Variants in CLVS1 observed in about 807,000 individuals in gnomAD.
The protein encoded by CLVS1 is clavesin 1.
Under a neutral mutation model 33.1 loss-of-function variants are expected in CLVS1, and 10 were observed. That is an observed-to-expected ratio of 0.30 (90% CI 0.19 to 0.51). The LOEUF is 0.51. Among genes scored for constraint, CLVS1 ranks in the 20% least tolerant of loss-of-function variants. The probability of loss-of-function intolerance (pLI) is 0.97; values close to 1 mark genes in which losing one functional copy is unlikely to be tolerated. For missense variants in CLVS1, 343 were observed against 433.4 expected (o/e 0.79, Z 1.85); for synonymous variants, 163 against 166.1 (o/e 0.98, Z 0.14).
At chr8:61,345,408 A>G (rs112003922) in intron 2 of CLVS1, among the ~76,000 whole-genome samples, 2,431 of 152,270 alleles carry the variant, frequency 0.016, 17 homozygotes, top group African/African-American at 0.02. Context: ...GACAAGTGCA[A>G]TGTAGTAGGA....
At chr8:61,412,415 G>A (rs868817502) in intron 3 of CLVS1, among the ~76,000 whole-genome samples, 1 of 152,264 alleles carries the variant, frequency 6.6e-6, no homozygotes, top group Middle Eastern at 3.4e-3. Flanking sequence ...GACTTTGGGA[G>A]GAGGAGGATT....
At chr8:61,426,895 T>C (rs1815917185) in intron 3 of CLVS1, among the ~76,000 whole-genome samples, 1 of 152,166 alleles carries the variant, frequency 6.6e-6, no homozygotes, top group Non-Finnish European at 1.5e-5. Flanking sequence ...GTATTTGTCA[T>C]GTGAATAAAT....
chr8:61,125,338 G>T (rs939734616), intron 1 of CLVS1, among the ~76,000 whole-genome samples: 4 of 152,196 alleles, frequency 2.6e-5, no homozygotes, highest in African/African-American at 9.7e-5. Flanking sequence ...GGAAGGCTCT[G>T]TGGGAGAGCA....
intron 2 of CLVS1, among the ~76,000 whole-genome samples, chr8:61,257,692 A>C (rs940037056): frequency 3.3e-5 from 5 of 152,204 alleles, no homozygotes; most frequent in African/African-American, 1.2e-4. Flanking sequence ...AAGAGGAAGA[A>C]ACTGGCAAAA....
At chr8:61,210,947 C>G (rs2931331) in intron 2 of CLVS1, among the ~76,000 whole-genome samples, 45,607 of 151,170 alleles carry the variant, frequency 0.3, 7,200 homozygotes, top group African/African-American at 0.37. Flanking sequence ...AGGGAGACTT[C>G]CTACCAAAAA....
the CLVS1 span, among the ~76,000 whole-genome samples, chr8:60,990,988 G>A: frequency 6.6e-6 from 1 of 152,112 alleles, no homozygotes; most frequent in African/African-American, 2.4e-5. Flanking sequence ...TGAGATTACA[G>A]GCATGAGCCA....
At chr8:61,088,649 C>T (rs989155181) in intron 1 of CLVS1, among the ~76,000 whole-genome samples, 1 of 152,044 alleles carries the variant, frequency 6.6e-6, no homozygotes, top group African/African-American at 2.4e-5. Context: ...AGTGGGATTG[C>T]TGGGTTTAGA....
At chr8:61,008,795 A>G in the CLVS1 span, among the ~76,000 whole-genome samples, 5 of 152,204 alleles carry the variant, frequency 3.3e-5, no homozygotes, top group African/African-American at 9.7e-5. Flanking sequence ...AAGACTGGCT[A>G]TTTCCCCAAA....
chr8:61,302,111 G>A (rs1387980271), intron 2 of CLVS1, among the ~76,000 whole-genome samples: 2 of 152,072 alleles, frequency 1.3e-5, no homozygotes, highest in African/African-American at 4.8e-5. Context: ...ACAGTGTAGG[G>A]CAACTTGGTA....
At chr8:61,081,589 C>T (rs1805020514) in intron 1 of CLVS1, among the ~76,000 whole-genome samples, 1 of 152,130 alleles carries the variant, frequency 6.6e-6, no homozygotes, top group South Asian at 2.1e-4. Context: ...TAAATTGTAT[C>T]CTGGTCTCCA....
At chr8:61,086,237 A>G (rs1805125290) in intron 1 of CLVS1, among the ~76,000 whole-genome samples, 1 of 151,608 alleles carries the variant, frequency 6.6e-6, no homozygotes, top group African/African-American at 2.4e-5. Context: ...AAAAATAAAT[A>G]AATAAATAAA....
intron 2 of CLVS1, among the ~76,000 whole-genome samples, chr8:61,255,981 C>T (rs1386030173): frequency 6.6e-6 from 1 of 151,760 alleles, no homozygotes; most frequent in Non-Finnish European, 1.5e-5. Context: ...TAAGATTTAC[C>T]ATTGTAACCA....
chr8:61,036,896 A>G, the CLVS1 span, among the ~76,000 whole-genome samples: 11 of 152,324 alleles, frequency 7.2e-5, no homozygotes, highest in African/African-American at 2.2e-4. Context: ...TTCTCCAGCC[A>G]TCCATTCGAG....
intron 2 of CLVS1, among the ~76,000 whole-genome samples, chr8:61,260,067 T>G (rs1285133110): frequency 6.6e-6 from 1 of 152,210 alleles, no homozygotes; most frequent in Non-Finnish European, 1.5e-5. Flanking sequence ...GCTTTCAGTT[T>G]AAATGTCACC....
chr8:61,469,923 T>C (rs1359269740), intron 5 of CLVS1, among the ~76,000 whole-genome samples: 2 of 152,238 alleles, frequency 1.3e-5, no homozygotes, highest in Non-Finnish European at 2.9e-5. Flanking sequence ...AGTTTTGGCG[T>C]CTCACTGCTA....
chr8:60,995,144 A>G, the CLVS1 span, among the ~76,000 whole-genome samples: 1 of 152,272 alleles, frequency 6.6e-6, no homozygotes, highest in Non-Finnish European at 1.5e-5. Flanking sequence ...TGGCAACAAA[A>G]GACAAAATTG....
chr8:61,042,124 A>G, the CLVS1 span, among the ~76,000 whole-genome samples: 2 of 152,230 alleles, frequency 1.3e-5, 1 homozygote, highest in Non-Finnish European at 2.9e-5. Flanking sequence ...AATAACCTTA[A>G]GGAGGCAATT....
At chr8:61,153,662 A>G (rs770996727) in intron 2 of CLVS1, among the ~76,000 whole-genome samples, 4 of 152,138 alleles carry the variant, frequency 2.6e-5, no homozygotes, top group Admixed American at 6.5e-5. Flanking sequence ...CAGGGCTCTG[A>G]GTCAGCCCAA....
At chr8:61,099,356 T>C (rs1406063373) in intron 1 of CLVS1, among the ~76,000 whole-genome samples, 1 of 151,886 alleles carries the variant, frequency 6.6e-6, no homozygotes. Flanking sequence ...GCAAATTCAA[T>C]GGGAAGCCAG....
Sources: allele counts gnomAD v4.1 joint callset (sites outside exome capture counted in the v4.1 genomes callset), GRCh38; gene constraint gnomAD v4.1.1; transcripts MANE v1.5; gene names NCBI Gene and HGNC (gene_info 2026-07-23, HGNC 2026-07-21).